ADAMTSL1: variants seen among roughly 807,000 people sequenced by gnomAD.
ADAMTSL1 encodes ADAMTS like 1.
A neutral mutation model predicts 201.8 loss-of-function variants in ADAMTSL1; 126 were observed. That is an observed-to-expected ratio of 0.62 (90% CI 0.54 to 0.72). The LOEUF (loss-of-function observed/expected upper bound fraction) is 0.72. ADAMTSL1 is among the 30% of genes least tolerant of loss of function. ADAMTSL1 has a pLI of 0.00. For missense variants in ADAMTSL1, 2,679 were observed against 2,277.8 expected, an observed-to-expected ratio of 1.18 and a Z score of -3.59; for synonymous variants, 1,121 against 903.4, an observed-to-expected ratio of 1.24 and a Z score of -4.32.
At chr9:18,406,390 A>C (rs1479505064) in intron 2 of ADAMTSL1, among the ~76,000 whole-genome samples, 1 of 144,500 alleles carries the variant, frequency 6.9e-6, no homozygotes, top group Non-Finnish European at 1.5e-5. Flanking sequence ...GTGCGGTGGC[A>C]TGATCTCGGC....
chr9:18,016,199 G>GA (rs1350914340), intron 1 of ADAMTSL1, among the ~76,000 whole-genome samples: 1 of 151,988 alleles, frequency 6.6e-6, no homozygotes, highest in East Asian at 1.9e-4. Context: ...AGTGAAAACA[G>GA]AAACACAATT....
chr9:18,093,136 G>A (rs55802556), intron 1 of ADAMTSL1, among the ~76,000 whole-genome samples: 6,379 of 152,182 alleles, frequency 0.042, 411 homozygotes, highest in African/African-American at 0.14. Flanking sequence ...CAGAAAATAA[G>A]TTCCTGTAAT....
intron 3 of ADAMTSL1, among the ~76,000 whole-genome samples, chr9:18,567,632 A>C (rs2132320478): frequency 6.6e-6 from 1 of 152,256 alleles, no homozygotes; most frequent in East Asian, 1.9e-4. Flanking sequence ...AGTTGTATAC[A>C]GTAGTCCCCC....
intron 1 of ADAMTSL1, among the ~76,000 whole-genome samples, chr9:18,064,920 CA>C (rs1264235709): frequency 4.6e-5 from 6 of 129,308 alleles, no homozygotes; most frequent in Non-Finnish European, 9.5e-5. Context: ...CACTGGTATT[CA>C]AAAATTGATT....
chr9:18,237,166 A>T (rs1184249708), intron 2 of ADAMTSL1, among the ~76,000 whole-genome samples: 2 of 152,318 alleles, frequency 1.3e-5, no homozygotes, highest in East Asian at 1.9e-4. Flanking sequence ...CCAAGAGATC[A>T]TGTGTCAGAA....
chr9:18,359,835 G>A lies in ADAMTSL1; in HGVS notation c.208-144994G>A, dbSNP rs2805927. Among the ~76,000 whole-genome samples, 55 of 67,952 alleles carry A rather than the reference G, an allele frequency of 8.1e-4. 1 individual carries two copies. In the South Asian group the frequency reaches 0.028, roughly 35 times the overall value. The allele number at this position is 67,952 out of a possible 152,430, so 44.6% of individuals were successfully genotyped here. A position where few individuals can be genotyped will look rare whatever the true frequency, so the allele number is the denominator to read the frequency against. Reference sequence around the variant, plus strand: ...GCCCCACCTCCCCACCCGCCCCCCCGCCCACACAAAATGCCCCACCCCTGC... The same window carrying A: ...GCCCCACCTCCCCACCCGCCCCCCCACCCACACAAAATGCCCCACCCCTGC... On this transcript the variant is annotated intron_variant, in intron 2 of 29. Transcript: ENST00000680146.
At chr9:18,205,945 T>A (rs1587308345) in intron 2 of ADAMTSL1, among the ~76,000 whole-genome samples, 1 of 150,088 alleles carries the variant, frequency 6.7e-6, no homozygotes, top group East Asian at 2.0e-4. Flanking sequence ...TCCCAGCTAC[T>A]TGGGAGGCTG....
At chr9:18,232,624 A>G (rs13292574) in intron 2 of ADAMTSL1, among the ~76,000 whole-genome samples, 48,280 of 151,978 alleles carry the variant, frequency 0.32, 7,786 homozygotes, top group Admixed American at 0.39. Flanking sequence ...GGTTTGGTGG[A>G]ATGGGTCTCT....
chr9:18,084,314 G>T (rs960516586), intron 1 of ADAMTSL1, among the ~76,000 whole-genome samples: 3 of 152,002 alleles, frequency 2.0e-5, no homozygotes, highest in East Asian at 1.9e-4. Flanking sequence ...CTGAGGTCAG[G>T]AGTTAGAGAC....
chr9:18,617,963 T>A (rs1825806150), intron 4 of ADAMTSL1, among the ~76,000 whole-genome samples: 1 of 152,144 alleles, frequency 6.6e-6, no homozygotes, highest in Non-Finnish European at 1.5e-5. Flanking sequence ...TGCAAAAAAA[T>A]TTCATGCAGT....
intron 1 of ADAMTSL1, among the ~76,000 whole-genome samples, chr9:17,983,300 A>G (rs943125518): frequency 1.3e-5 from 2 of 151,392 alleles, no homozygotes; most frequent in Admixed American, 6.6e-5. Flanking sequence ...CGATCTGTTG[A>G]CTTTGTGATC....
intron 14 of ADAMTSL1, among the ~76,000 whole-genome samples, chr9:18,715,378 A>C (rs1483176863): frequency 2.0e-5 from 3 of 152,192 alleles, no homozygotes; most frequent in Admixed American, 6.5e-5. Context: ...CTGATAAGCA[A>C]CTTCAGCAGT....
chr9:18,889,029 C>G (rs895622680), intron 24 of ADAMTSL1, among the ~76,000 whole-genome samples: 2 of 152,124 alleles, frequency 1.3e-5, no homozygotes, highest in Admixed American at 1.3e-4. Flanking sequence ...AGTCCCAGAC[C>G]CCCAAAGCAA....
intron 1 of ADAMTSL1, among the ~76,000 whole-genome samples, chr9:18,042,643 G>C (rs1446465328): frequency 6.6e-6 from 1 of 152,118 alleles, no homozygotes; most frequent in Non-Finnish European, 1.5e-5. Flanking sequence ...TAACCCAAAT[G>C]ATTCACTGTT....
At position 18,852,124 on chromosome 9, in the gene ADAMTSL1, G is replaced by T. The variant is rs779956636; in HGVS notation, c.4249+22147G>T. ...ATCTAACCCTATGCTCTCTACTGGG[G>T]TCCTTTACATGCACCTTAGAGCTTG... On this transcript the variant is annotated intron_variant, in intron 23 of 28. Coordinates refer to ENST00000380548, the MANE Select transcript of ADAMTSL1 (RefSeq NM_001040272.6). 3.9e-4 allele frequency among the ~76,000 whole-genome samples: 60 copies of T among 152,254 alleles called. 1 individual carries two copies. Among genetic ancestry groups the T allele is most frequent in the African/African-American group, 1.3e-3 (54 of 41,538 alleles).
chr9:18,487,958 A>G (rs1822080674), intron 1 of ADAMTSL1, among the ~76,000 whole-genome samples: 1 of 152,186 alleles, frequency 6.6e-6, no homozygotes, highest in Admixed American at 6.5e-5. Flanking sequence ...TATAGCAGCC[A>G]TAGTTTAGTG....
chr9:18,268,177 C>T (rs1231088477), intron 2 of ADAMTSL1, among the ~76,000 whole-genome samples: 1 of 152,090 alleles, frequency 6.6e-6, no homozygotes, highest in African/African-American at 2.4e-5. Flanking sequence ...TACTTTAAGT[C>T]ACTGTGTTTA....
chr9:18,000,658 T>C (rs189607497), intron 1 of ADAMTSL1, among the ~76,000 whole-genome samples: 160 of 152,224 alleles, frequency 1.1e-3, no homozygotes, highest in Admixed American at 3.5e-3. Flanking sequence ...TTAATACTTA[T>C]ATCATGTAGC....
intron 25 of ADAMTSL1, chr9:18,890,617 T>A: frequency 2.2e-6 from 1 of 455,874 alleles, no homozygotes; most frequent in Non-Finnish European, 4.4e-6. Context: ...TGCTCATTAA[T>A]ATCAGCAGTT....
Sources: gnomAD v4.1 joint callset for allele counts (sites outside exome capture counted in the v4.1 genomes callset) on GRCh38, gnomAD v4.1.1 for gene constraint, MANE v1.5 for transcripts, NCBI Gene and HGNC (gene_info 2026-07-23, HGNC 2026-07-21) for gene names.